The following ZNF729 variants were observed in gnomAD, a reference collection of about 807,000 sequenced individuals.
ZNF729 encodes the protein zinc finger protein 729.
A neutral mutation model predicts 12.2 loss-of-function variants in ZNF729; 15 were observed. That is an observed-to-expected ratio of 1.23 (90% CI 0.82 to 1.89). The LOEUF (loss-of-function observed/expected upper bound fraction) is 1.89, where lower values mean the gene tolerates loss of function less well. Among genes scored for constraint, ZNF729 ranks in the 40% most tolerant of loss-of-function variants. The probability of loss-of-function intolerance (pLI) is 0.00; values close to 1 mark genes in which losing one functional copy is unlikely to be tolerated. For missense variants in ZNF729, 1,540 were observed against 1,456.7 expected (o/e 1.06, Z -0.93); for synonymous variants, 492 against 476.3 (o/e 1.03, Z -0.43).
At chr19:22,300,752 T>C (rs918658421) in intron 1 of ZNF729, among the ~76,000 whole-genome samples, 2 of 152,200 alleles carry the variant, frequency 1.3e-5, no homozygotes, top group East Asian at 1.9e-4. Flanking sequence ...TCACAGACTA[T>C]GGGGCCCAGA....
intron 1 of ZNF729, among the ~76,000 whole-genome samples, chr19:22,303,019 C>T (rs2145049915): frequency 6.6e-6 from 1 of 152,304 alleles, no homozygotes; most frequent in African/African-American, 2.4e-5. Context: ...AGATGATCCA[C>T]CCACCTCAGC....
chr19:22,303,692 CAAATT>C, intron 1 of ZNF729, 61 bp from the exon 2 acceptor site: 1 of 1,440,736 alleles, frequency 6.9e-7, no homozygotes, highest in Non-Finnish European at 9.3e-7. Flanking sequence ...CACCTTGAGT[CAAATT>C]AAAAATTTCT....
intron 3 of ZNF729, among the ~76,000 whole-genome samples, chr19:22,312,129 T>G (rs780390531): frequency 2.0e-5 from 3 of 152,202 alleles, no homozygotes; most frequent in Non-Finnish European, 4.4e-5. Context: ...TTTTCAATTT[T>G]TTATAGTGAT....
chr19:22,295,686 C>A (rs922781920), intron 1 of ZNF729, among the ~76,000 whole-genome samples: 3 of 152,150 alleles, frequency 2.0e-5, no homozygotes, highest in Non-Finnish European at 4.4e-5. Flanking sequence ...AGGCGTGAGC[C>A]ACCGCGCCCA....
At position 22,316,545 on chromosome 19, in the gene ZNF729, C is replaced by T. The variant is rs758682150; in HGVS notation, c.3128C>T (p.Thr1043Ile). The stretch of plus-strand genomic sequence containing the variant: ...CTTATGAAACATAAGATAATTCATA[C>T]TGGGGAGAAACCCTACAAATGTGAA... ...SALMKHKIIH[T>I]GEKPYKCEEC... The change falls in exon 4 of 4, where the codon ACT (threonine) becomes ATT (isoleucine). Residue 1043 changes from threonine to isoleucine, a missense_variant. Transcript: ENST00000601693. The T allele has an allele frequency of 6.2e-6, 10 of 1,613,654 alleles. No individual in the cohort carries two copies. The highest frequency in any genetic ancestry group is 1.3e-5 in the African/African-American group (1 of 75,006).
chr19:22,292,335 C>CTTTTTGTA (rs1336322434), intron 1 of ZNF729, among the ~76,000 whole-genome samples: 54 of 152,168 alleles, frequency 3.5e-4, no homozygotes, highest in African/African-American at 1.2e-3. Flanking sequence ...TAATGGTCTC[C>CTTTTTGTA]AGCTCCATCC....
intron 1 of ZNF729, chr19:22,299,063 G>A (rs918195892): frequency 1.3e-5 from 2 of 152,152 alleles, no homozygotes; most frequent in African/African-American, 4.8e-5. Context: ...AGCAGAGATG[G>A]AAGAGAAATC....
intron 1 of ZNF729, among the ~76,000 whole-genome samples, chr19:22,297,433 A>G (rs1019360868): frequency 1.3e-5 from 2 of 152,030 alleles, no homozygotes; most frequent in African/African-American, 4.8e-5. Flanking sequence ...GAAAATACAA[A>G]TTAGAAATAA....
chr19:22,288,280 C>T (rs1004350514), intron 1 of ZNF729, among the ~76,000 whole-genome samples: 1 of 150,082 alleles, frequency 6.7e-6, no homozygotes, highest in African/African-American at 2.4e-5. Flanking sequence ...AAATTATCCC[C>T]TGACACTGCG....
intron 1 of ZNF729, among the ~76,000 whole-genome samples, chr19:22,295,389 C>CTTT (rs746054091): frequency 4.6e-5 from 6 of 130,874 alleles, no homozygotes; most frequent in African/African-American, 1.1e-4. Flanking sequence ...AGTTTTCTTT[C>CTTT]TTTTTTTTTT....
intron 1 of ZNF729, chr19:22,299,073 C>T (rs1968270174): frequency 6.6e-6 from 1 of 152,176 alleles, no homozygotes; most frequent in Non-Finnish European, 1.5e-5. Flanking sequence ...GAAGAGAAAT[C>T]TTATAAAATT....
At chr19:22,288,013 T>G (rs1421838089) in intron 1 of ZNF729, among the ~76,000 whole-genome samples, 1 of 151,916 alleles carries the variant, frequency 6.6e-6, no homozygotes, top group Non-Finnish European at 1.5e-5. Flanking sequence ...GCCTGGCTAC[T>G]TTTTGTATTT....
chr19:22,305,093 T>C (rs556923469), intron 3 of ZNF729, among the ~76,000 whole-genome samples: 11 of 152,296 alleles, frequency 7.2e-5, no homozygotes, highest in Admixed American at 7.2e-4. Flanking sequence ...CACACAAATA[T>C]CTGTATAGTT....
In ZNF729 at chr19:22,314,581, T is replaced by C. The variant is rs1470759431; in HGVS notation, c.1164T>C (p.Ser388=). 3 of 1,592,674 alleles carry C rather than the reference T, an allele frequency of 1.9e-6. No individual in the cohort carries two copies. The highest frequency in any genetic ancestry group is 1.1e-5 in the South Asian group (1 of 90,184). The change falls in exon 4 of 4, where the codon TCT becomes TCC. Residue 388 remains serine (S), a synonymous_variant. Coordinates refer to ENST00000601693, the MANE Select transcript of ZNF729 (RefSeq NM_001242680.2). The part of the protein sequence containing the change: ...CEECGKAFKW[S]SKLTVHKVVH... ...AATGTGGTAAAGCTTTTAAGTGGTC[T>C]TCAAAACTTACTGTACATAAGGTAG... is the stretch of plus-strand genomic sequence containing the variant.
intron 3 of ZNF729, among the ~76,000 whole-genome samples, chr19:22,306,445 A>C (rs1361178094): frequency 1.3e-5 from 2 of 150,342 alleles, no homozygotes; most frequent in African/African-American, 4.9e-5. Flanking sequence ...CTCAAAAAAA[A>C]AAAAAGAAAA....
rs1177951302 is a variant in ZNF729, at chr19:22,289,359, G to A, written c.30+2804G>A. Among the ~76,000 whole-genome samples, 4 of 151,476 alleles carry A rather than the reference G, an allele frequency of 2.6e-5. No homozygotes were observed. In the East Asian group the frequency reaches 7.8e-4, roughly 29 times the overall value. On this transcript the variant is annotated intron_variant, in intron 1 of 3. Transcript: ENST00000601693. The stretch of plus-strand genomic sequence containing the variant: ...TTCTGCCTCAGCCTCCTGACTAGCT[G>A]GGACTACAGGCGCCCGCCACCACAC...
chr19:22,312,336 T>A (rs1372888795), intron 3 of ZNF729, among the ~76,000 whole-genome samples: 1 of 152,148 alleles, frequency 6.6e-6, no homozygotes, highest in Non-Finnish European at 1.5e-5. Flanking sequence ...CCTGTTGGAA[T>A]CTTCATAATG....
rs1968357131 is a variant in ZNF729 at position 22,304,690 on chromosome 19, A to G, written c.160A>G (p.Met54Val). 6.2e-7 allele frequency: 1 copy of G among 1,611,710 alleles called. No individual in the cohort carries two copies. Among genetic ancestry groups the G allele is most frequent in the Non-Finnish European group, 8.5e-7 (1 of 1,178,774 alleles). Reference protein sequence around the residue: ...ENYRNLVFLGMAVFKPDLITC... With the variant: ...ENYRNLVFLGVAVFKPDLITC... Reference sequence around the variant, plus strand: ...GTTATTTATTTTTAATAAAACAGGTATGGCTGTCTTTAAGCCAGACTTGAT... The same window carrying G: ...GTTATTTATTTTTAATAAAACAGGTGTGGCTGTCTTTAAGCCAGACTTGAT... Residue 54 changes from methionine to valine, a missense_variant and splice_region_variant, in exon 3 of 4, where the codon ATG (methionine) becomes GTG (valine). Physicochemically the swap from Met to Val is conservative, Grantham distance 21 (BLOSUM62 1). Transcript: ENST00000601693.
intron 3 of ZNF729, among the ~76,000 whole-genome samples, chr19:22,312,477 T>TGTGTGTG (rs1491132977): frequency 3.4e-5 from 5 of 147,258 alleles, no homozygotes; most frequent in African/African-American, 7.5e-5. Flanking sequence ...TGTGTGTGTG[T>TGTGTGTG]TTAGATAAAG....
Sources: allele counts gnomAD v4.1 joint callset (sites outside exome capture counted in the v4.1 genomes callset), GRCh38; gene constraint gnomAD v4.1.1; transcripts MANE v1.5; gene names NCBI Gene and HGNC (gene_info 2026-07-23, HGNC 2026-07-21).